Variants in FBXO16 observed in about 807,000 individuals in gnomAD.
FBXO16 encodes the protein F-box only protein 16.
FBXO16 carries 31 observed loss-of-function variants against 41.0 expected under a neutral mutation model. That is an observed-to-expected ratio of 0.76 (90% CI 0.57 to 1.02). FBXO16 has a LOEUF of 1.02. FBXO16 is among the 50% of genes least tolerant of loss of function. The probability of loss-of-function intolerance (pLI) is 0.00; values close to 1 mark genes in which losing one functional copy is unlikely to be tolerated. For missense variants in FBXO16, 361 were observed against 346.2 expected, an observed-to-expected ratio of 1.04 and a Z score of -0.34; for synonymous variants, 133 against 117.8, an observed-to-expected ratio of 1.13 and a Z score of -0.84.
chr8:28,479,715 T>C lies in FBXO16; in HGVS notation c.99+3633A>G, dbSNP rs1425884824. ...TACTGTTGAGCTGGATAAAAACTAT[T>C]TTCTTTCTTTCTTTTTTTAGAGACA... On this transcript the variant is annotated intron_variant, in intron 2 of 8. Coordinates refer to ENST00000380254, the MANE Select transcript of FBXO16 (RefSeq NM_172366.4). Among the ~76,000 whole-genome samples the C allele has an allele frequency of 2.0e-5, 3 of 151,820 alleles. No individual in the cohort carries two copies. The East Asian group carries it at 5.8e-4, about 29-fold the overall frequency.
intron 1 of FBXO16, among the ~76,000 whole-genome samples, chr8:28,484,248 CCTT>C (rs1455862178): frequency 6.6e-6 from 1 of 152,166 alleles, no homozygotes; most frequent in African/African-American, 2.4e-5. Flanking sequence ...TATTAATTCT[CCTT>C]CTCCCCTCTT....
At chr8:28,429,519 TC>T (rs1340907222) in intron 7 of FBXO16, 116 bp from the exon 8 acceptor site, 9 of 1,203,638 alleles carry the variant, frequency 7.5e-6, no homozygotes, top group Non-Finnish European at 1.1e-5. Context: ...TTATCTTGGT[TC>T]CAACTGTGCA....
intron 1 of FBXO16, 142 bp downstream of exon 1, chr8:28,490,044 A>G (rs1803665783): frequency 6.6e-6 from 1 of 152,220 alleles, no homozygotes; most frequent in African/African-American, 2.4e-5. Flanking sequence ...TTTCACAAGT[A>G]TGAATATCTG....
chr8:28,447,269 T>A lies in FBXO16; in HGVS notation c.745A>T (p.Arg249Ter). 6.2e-7 allele frequency: 1 copy of A among 1,611,752 alleles called. No homozygotes were observed. Among genetic ancestry groups the A allele is most frequent in the East Asian group, 2.2e-5 (1 of 44,854 alleles). ...DPMETVQQGR[R>*]KRNQMTPDFS... ...TCTGGGGTCATTTGGTTTCTTTTTC[T>A]TCTTCTGTAAATTGGAAAGCAGTGG... Residue 249 changes from arginine to a stop codon, truncating the protein, a stop_gained, in exon 7 of 9, where the codon AGA becomes TGA. Transcript: ENST00000380254. LOFTEE classifies it high-confidence loss of function.
chr8:28,483,232 A>T, intron 2 of FBXO16, 116 bp downstream of exon 2: 1 of 950,666 alleles, frequency 1.1e-6, no homozygotes, highest in Non-Finnish European at 1.5e-6. Flanking sequence ...TTTGGTTTTT[A>T]TTCATCCATT....
At chr8:28,440,050 G>A (rs13277332) in intron 7 of FBXO16, among the ~76,000 whole-genome samples, 76,399 of 150,996 alleles carry the variant, frequency 0.51, 20,306 homozygotes, top group East Asian at 0.66. Context: ...AGAAAGGGGT[G>A]TGAATGCTTA....
intron 7 of FBXO16, among the ~76,000 whole-genome samples, chr8:28,433,056 G>A (rs148754864): frequency 0.025 from 3,431 of 136,456 alleles, 127 homozygotes; most frequent in African/African-American, 0.11. Flanking sequence ...GTGAGACTTC[G>A]TCCAAAAAAA....
chr8:28,448,357 AAAAG>A (rs1183096537), intron 6 of FBXO16, among the ~76,000 whole-genome samples: 19 of 151,068 alleles, frequency 1.3e-4, no homozygotes, highest in African/African-American at 2.4e-4. Flanking sequence ...AAAAAAAAAA[AAAAG>A]AAAGAAAGAA....
At chr8:28,440,184 C>A (rs1353392045) in intron 7 of FBXO16, among the ~76,000 whole-genome samples, 1 of 152,034 alleles carries the variant, frequency 6.6e-6, no homozygotes, top group Non-Finnish European at 1.5e-5. Flanking sequence ...CTCACTGCCC[C>A]CTTAACCTCC....
intron 7 of FBXO16, 30 bp downstream of exon 7, chr8:28,447,141 G>A (rs376539326): frequency 2.6e-6 from 4 of 1,553,134 alleles, no homozygotes; most frequent in Non-Finnish European, 3.5e-6. Flanking sequence ...TTAATGTTAT[G>A]GTGATGAATC....
chr8:28,448,103 G>T lies in FBXO16; in HGVS notation c.741-830C>A, dbSNP rs578116933. Among the ~76,000 whole-genome samples, 4 of 152,276 alleles carry T rather than the reference G, an allele frequency of 2.6e-5. No homozygotes were observed. In the South Asian group the frequency reaches 8.3e-4, roughly 32 times the overall value. On this transcript the variant is annotated intron_variant, in intron 6 of 8. Coordinates refer to ENST00000380254, the MANE Select transcript of FBXO16 (RefSeq NM_172366.4). ...GCCCGTAACCCCAGCTTTTTGGAAA[G>T]GCGAGAGGGAAGGATAACTTGAGTC...
intron 7 of FBXO16, among the ~76,000 whole-genome samples, chr8:28,437,069 T>G (rs1337205916): frequency 6.6e-6 from 1 of 152,174 alleles, no homozygotes; most frequent in Non-Finnish European, 1.5e-5. Context: ...ACATATATAT[T>G]AAACCCCAAT....
chr8:28,463,241 T>C (rs888387448), intron 4 of FBXO16, among the ~76,000 whole-genome samples: 3 of 151,820 alleles, frequency 2.0e-5, no homozygotes, highest in Non-Finnish European at 2.9e-5. Flanking sequence ...TGTGTTTGTG[T>C]ACACGTTTGT....
intron 7 of FBXO16, among the ~76,000 whole-genome samples, chr8:28,443,105 A>T (rs73574638): frequency 0.059 from 8,908 of 151,862 alleles, 760 homozygotes; most frequent in African/African-American, 0.19. Context: ...TACAGCTTCA[A>T]ACTCCCGGGC....
intron 7 of FBXO16, among the ~76,000 whole-genome samples, chr8:28,445,545 C>G (rs566719347): frequency 1.3e-5 from 2 of 152,176 alleles, no homozygotes. Flanking sequence ...GGCAGAAGCA[C>G]GACATAATGG....
At chr8:28,474,205 T>C (rs971576646) in intron 2 of FBXO16, among the ~76,000 whole-genome samples, 1 of 150,550 alleles carries the variant, frequency 6.6e-6, no homozygotes, top group African/African-American at 2.4e-5. Context: ...GTCCCTGTAG[T>C]CCCAGCTGAG....
intron 3 of FBXO16, among the ~76,000 whole-genome samples, chr8:28,472,183 T>G (rs1157149487): frequency 6.6e-6 from 1 of 152,138 alleles, no homozygotes; most frequent in Admixed American, 6.5e-5. Flanking sequence ...TTTGAACTCC[T>G]GGGCTCAAGC....
At chr8:28,428,886 T>C in intron 8 of FBXO16, 150 bp from the exon 9 acceptor site, 1 of 900,816 alleles carries the variant, frequency 1.1e-6, no homozygotes, top group African/African-American at 1.7e-5. Context: ...CACTCCCCTC[T>C]GCCCCCATGC....
chr8:28,485,372 C>T (rs1803585991), intron 1 of FBXO16, among the ~76,000 whole-genome samples: 1 of 152,118 alleles, frequency 6.6e-6, no homozygotes, highest in African/African-American at 2.4e-5. Context: ...GGGGTTTCAC[C>T]ATGTTGGCTA....
Sources: allele counts gnomAD v4.1 joint callset (sites outside exome capture counted in the v4.1 genomes callset), GRCh38; gene constraint gnomAD v4.1.1; transcripts MANE v1.5; gene names NCBI Gene and HGNC (gene_info 2026-07-23, HGNC 2026-07-21).